Variants in PCYT1B observed in about 807,000 individuals in gnomAD.
PCYT1B encodes phosphate cytidylyltransferase 1B, choline, also known as choline-phosphate cytidylyltransferase B.
PCYT1B carries 10 observed loss-of-function variants against 26.4 expected under a neutral mutation model. The ratio of observed to expected loss-of-function variants is 0.38; its 90% CI spans 0.23 to 0.64. PCYT1B has a LOEUF of 0.64. PCYT1B is among the 30% of genes least tolerant of loss of function. PCYT1B has a pLI of 0.56. For synonymous variants in PCYT1B, 131 were observed against 108.4 expected (o/e 1.21, Z -1.29); for missense variants, 161 against 292.7 (o/e 0.55, Z 3.28).
At chrX:24,569,979 T>C (rs1248388915) in intron 7 of PCYT1B, among the ~76,000 whole-genome samples, 1 of 109,718 alleles carries the variant, frequency 9.1e-6, no homozygotes. Flanking sequence ...AGGTCAGGAG[T>C]TCGAGACCAG....
intron 7 of PCYT1B, among the ~76,000 whole-genome samples, chrX:24,573,320 C>T (rs1387504828): frequency 2.7e-5 from 3 of 110,795 alleles, no homozygotes; most frequent in Non-Finnish European, 3.8e-5. Flanking sequence ...CGCGCCACCA[C>T]ACCTGGCTAA....
At chrX:24,573,390 T>A (rs1453935761) in intron 7 of PCYT1B, among the ~76,000 whole-genome samples, 2 of 110,932 alleles carry the variant, frequency 1.8e-5, no homozygotes, top group African/African-American at 6.6e-5. Context: ...AGCCTCAAAC[T>A]CCTGACCTCA....
intron 1 of PCYT1B, among the ~76,000 whole-genome samples, chrX:24,632,774 T>A (rs1231056432): frequency 9.0e-6 from 1 of 111,023 alleles, no homozygotes; most frequent in Admixed American, 9.6e-5. Flanking sequence ...CTGGGAAGTG[T>A]GTGTGGGTGA....
chrX:24,620,862 G>A (rs1380696479), intron 1 of PCYT1B, among the ~76,000 whole-genome samples: 1 of 111,656 alleles, frequency 9.0e-6, no homozygotes, highest in African/African-American at 3.2e-5. Context: ...CACCCCCACT[G>A]ACTCCATTTC....
At chrX:24,662,252 T>G (rs1927043604) in intron 1 of PCYT1B, among the ~76,000 whole-genome samples, 1 of 112,504 alleles carries the variant, frequency 8.9e-6, no homozygotes, top group East Asian at 2.8e-4. Context: ...TATTTGCAGA[T>G]GAAATATGTT....
chrX:24,671,847 C>T lies in PCYT1B; in HGVS notation c.63+723G>A, dbSNP rs150291926. The stretch of plus-strand genomic sequence containing the variant: ...AACAAGGTTCCCCTTGAAATACATT[C>T]TCCGGGCACCCTCTGCCCAAGAGAA... On this transcript the variant is annotated intron_variant, in intron 1 of 7. Transcript: ENST00000379145. 8.6e-4 allele frequency among the ~76,000 whole-genome samples: 96 copies of T among 112,257 alleles called. 1 individual carries two copies. The East Asian group carries it at 0.025, about 29-fold the overall frequency.
chrX:24,627,494 T>G (rs1282391340), intron 1 of PCYT1B, among the ~76,000 whole-genome samples: 1 of 111,362 alleles, frequency 9.0e-6, no homozygotes, highest in Non-Finnish European at 1.9e-5. Flanking sequence ...CCACCACACC[T>G]GCCTAATTTT....
Position 24,585,890 on chromosome X carries a change from A to G in PCYT1B, c.565+1351T>C, listed in dbSNP as rs187471190. ...TTCCCACACAAAAGACCTGATCACGACACTCCCCTGCCTCAGAACAGTATT... is the reference window on the plus strand; with the variant it reads ...TTCCCACACAAAAGACCTGATCACGGCACTCCCCTGCCTCAGAACAGTATT... On this transcript the variant is annotated intron_variant, in intron 5 of 7. Coordinates refer to ENST00000379144, the MANE Select transcript of PCYT1B (RefSeq NM_004845.5). Among the ~76,000 whole-genome samples, 478 of 110,679 alleles carry G rather than the reference A, an allele frequency of 4.3e-3. 4 individuals are homozygous for G. Among genetic ancestry groups the G allele is most frequent in the African/African-American group, 0.015 (461 of 30,410 alleles).
chrX:24,630,347 G>C (rs927174073), intron 1 of PCYT1B, among the ~76,000 whole-genome samples: 6 of 111,721 alleles, frequency 5.4e-5, no homozygotes, highest in Non-Finnish European at 9.4e-5. Context: ...CCAGGCTGGA[G>C]TGCAGTGGCG....
intron 1 of PCYT1B, among the ~76,000 whole-genome samples, chrX:24,626,446 T>A (rs1037997383): frequency 1.8e-5 from 2 of 111,903 alleles, no homozygotes; most frequent in Non-Finnish European, 3.8e-5. Flanking sequence ...GATGAAGAGA[T>A]TTCATTGTTT....
chrX:24,671,710 C>T (rs1300950122), intron 1 of PCYT1B, among the ~76,000 whole-genome samples: 3 of 111,255 alleles, frequency 2.7e-5, no homozygotes, highest in South Asian at 3.9e-4. Flanking sequence ...CCCTCTGCCT[C>T]GTTGTTGGGA....
intron 4 of PCYT1B, among the ~76,000 whole-genome samples, chrX:24,587,622 G>C (rs1924412949): frequency 8.9e-6 from 1 of 111,734 alleles, no homozygotes; most frequent in African/African-American, 3.3e-5. Flanking sequence ...GTTTCTCCTT[G>C]AGAGAACTCA....
chrX:24,608,999 A>T (rs1164349337), intron 2 of PCYT1B, among the ~76,000 whole-genome samples: 11 of 111,315 alleles, frequency 9.9e-5, no homozygotes, highest in Admixed American at 3.8e-4. Flanking sequence ...ATCCAAGAAG[A>T]TTCAAAAATG....
Position 24,647,264 on chromosome X carries a change from A to G in PCYT1B, c.-159T>C. On this transcript the variant is annotated 5_prime_UTR_variant, in exon 1 of 8. Transcript: ENST00000379144. The stretch of plus-strand genomic sequence containing the variant: ...CTTCCCTAGGGGAAGTAAAGAGGTT[A>G]CCCCCCGCCCCTCTCTCTCTCTCTC... 1.0e-6 allele frequency: 1 copy of G among 992,397 alleles called. No homozygotes were observed. The highest frequency in any genetic ancestry group is 1.3e-6 in the Non-Finnish European group (1 of 788,933). The allele number at this position is 992,397 out of a possible 1,213,427, so 81.8% of individuals were successfully genotyped here. A position where few individuals can be genotyped will look rare whatever the true frequency, so the allele number is the denominator to read the frequency against.
intron 1 of PCYT1B, among the ~76,000 whole-genome samples, chrX:24,658,855 A>C (rs1194741180): frequency 8.9e-6 from 1 of 112,204 alleles, no homozygotes; most frequent in Non-Finnish European, 1.9e-5. Context: ...CTTCCTTAGC[A>C]TGAGCTGGGC....
upstream of PCYT1B, among the ~76,000 whole-genome samples, chrX:24,651,475 ATATATATATATATATATATAT>A (rs1926777578): frequency 3.9e-4 from 12 of 30,650 alleles, no homozygotes; most frequent in East Asian, 1.1e-3. Context: ...AAAAAAAAAT[ATATATATATATATATATATAT>A]ATATATATAT....
At chrX:24,633,567 C>T (rs755405926) in intron 1 of PCYT1B, among the ~76,000 whole-genome samples, 21 of 109,538 alleles carry the variant, frequency 1.9e-4, no homozygotes, top group Non-Finnish European at 3.2e-4. Context: ...CCAGCTACTC[C>T]GGAGGCTGAG....
rs61761930 is a variant in PCYT1B at position 24,579,863 on chromosome X, C to T, written c.566-405G>A. Among the ~76,000 whole-genome samples the T allele has an allele frequency of 7.7e-3, 867 of 112,164 alleles. 12 individuals are homozygous for T. The highest frequency in any genetic ancestry group is 0.027 in the African/African-American group (840 of 30,870). On this transcript the variant is annotated intron_variant, in intron 5 of 7. Transcript: ENST00000379144. ...AGGTAGAATCCACAACATTCAGAAC[C>T]TAACTTATCTTTCATTAACAAAAAT...
At chrX:24,631,527 A>G (rs1453343689) in intron 1 of PCYT1B, among the ~76,000 whole-genome samples, 4 of 111,773 alleles carry the variant, frequency 3.6e-5, no homozygotes, top group Non-Finnish European at 7.5e-5. Context: ...GATGAGAAAA[A>G]AAAAATATTT....
Sources: gnomAD v4.1 joint callset for allele counts (sites outside exome capture counted in the v4.1 genomes callset) on GRCh38, gnomAD v4.1.1 for gene constraint, MANE v1.5 for transcripts, NCBI Gene and HGNC (gene_info 2026-07-23, HGNC 2026-07-21) for gene names.